The following CDC42BPA variants were observed in gnomAD, a reference collection of about 807,000 sequenced individuals.
CDC42BPA encodes the protein serine/threonine-protein kinase MRCK alpha.
CDC42BPA carries 80 observed loss-of-function variants against 223.5 expected under a neutral mutation model. The observed-to-expected ratio is 0.36, with a 90% confidence interval of 0.30 to 0.43. CDC42BPA has a LOEUF of 0.43. Among genes scored for constraint, CDC42BPA ranks in the 20% least tolerant of loss-of-function variants. The pLI, the probability that CDC42BPA is intolerant of heterozygous loss-of-function variation, is 1.00. For missense variants in CDC42BPA, 1,743 were observed against 2,099.9 expected (o/e 0.83, Z 3.32); for synonymous variants, 694 against 718.6 (o/e 0.97, Z 0.55).
intron 35 of CDC42BPA, among the ~76,000 whole-genome samples, chr1:226,998,010 T>TA (rs1661990031): frequency 6.6e-6 from 1 of 152,000 alleles, no homozygotes; most frequent in Non-Finnish European, 1.5e-5. Flanking sequence ...ACACCAATAA[T>TA]AGAGAGCCAA....
At chr1:227,167,371 C>A (rs972186413) in intron 5 of CDC42BPA, among the ~76,000 whole-genome samples, 2 of 152,128 alleles carry the variant, frequency 1.3e-5, no homozygotes, top group African/African-American at 4.8e-5. Context: ...TTTAAGATGA[C>A]AAATGACCTT....
intron 2 of CDC42BPA, among the ~76,000 whole-genome samples, chr1:227,240,290 A>G (rs1356890661): frequency 6.6e-6 from 1 of 152,112 alleles, no homozygotes; most frequent in Non-Finnish European, 1.5e-5. Flanking sequence ...TCAAAAAACA[A>G]AGAGAAATAT....
intron 31 of CDC42BPA, among the ~76,000 whole-genome samples, chr1:227,023,785 G>A (rs955825989): frequency 1.2e-4 from 19 of 152,070 alleles, no homozygotes; most frequent in Admixed American, 1.3e-4. Context: ...CTGGTTATAC[G>A]GAACCAAGCA....
At chr1:227,255,446 A>AAG (rs35829988) in intron 1 of CDC42BPA, among the ~76,000 whole-genome samples, 1 of 151,958 alleles carries the variant, frequency 6.6e-6, no homozygotes, top group South Asian at 2.1e-4. Flanking sequence ...AAGGAAAGGA[A>AAG]AGAGAGAGAG....
At chr1:227,248,526 A>C (rs1681402847) in intron 2 of CDC42BPA, among the ~76,000 whole-genome samples, 1 of 152,230 alleles carries the variant, frequency 6.6e-6, no homozygotes, top group Non-Finnish European at 1.5e-5. Context: ...AGCCACAAAT[A>C]AAATTAAATA....
At chr1:227,054,267 C>G (rs1379235509) in intron 21 of CDC42BPA, among the ~76,000 whole-genome samples, 1 of 152,180 alleles carries the variant, frequency 6.6e-6, no homozygotes, top group African/African-American at 2.4e-5. Context: ...ATTTCAAAAA[C>G]TCTTTAAAAA....
At chr1:227,222,474 G>C (rs1676106351) in intron 2 of CDC42BPA, among the ~76,000 whole-genome samples, 1 of 152,176 alleles carries the variant, frequency 6.6e-6, no homozygotes. Flanking sequence ...ACTCCAGCCT[G>C]GGGGACACAG....
intron 32 of CDC42BPA, among the ~76,000 whole-genome samples, chr1:227,019,307 T>C (rs1484435234): frequency 6.6e-6 from 1 of 152,208 alleles, no homozygotes; most frequent in East Asian, 1.9e-4. Flanking sequence ...TATCATGCGA[T>C]TGCAGCAATT....
At chr1:227,219,919 TTTTA>T (rs1675535887) in intron 2 of CDC42BPA, among the ~76,000 whole-genome samples, 1 of 152,192 alleles carries the variant, frequency 6.6e-6, no homozygotes, top group African/African-American at 2.4e-5. Context: ...AACCTGTTGC[TTTTA>T]TTTTACATAT....
At chr1:227,116,203 C>T (rs1687754959) in intron 12 of CDC42BPA, among the ~76,000 whole-genome samples, 1 of 152,136 alleles carries the variant, frequency 6.6e-6, no homozygotes. Flanking sequence ...TATACTATCA[C>T]AGTATTATAA....
chr1:227,036,940 A>T (rs1670391971), intron 24 of CDC42BPA, among the ~76,000 whole-genome samples: 1 of 152,198 alleles, frequency 6.6e-6, no homozygotes, highest in South Asian at 2.1e-4. Context: ...GAACAGTCTC[A>T]TGAGTCCCCA....
intron 1 of CDC42BPA, among the ~76,000 whole-genome samples, chr1:227,306,156 T>G (rs1692504773): frequency 8.1e-6 from 1 of 123,668 alleles, no homozygotes; most frequent in Non-Finnish European, 1.7e-5. Context: ...TTTTTTTTTT[T>G]GCTTCCTTCT....
chr1:227,232,267 C>T (rs1179040721), intron 2 of CDC42BPA, among the ~76,000 whole-genome samples: 4 of 151,962 alleles, frequency 2.6e-5, no homozygotes, highest in Non-Finnish European at 5.9e-5. Flanking sequence ...TGTTTTTGTC[C>T]GGTTTGTCAA....
intron 32 of CDC42BPA, among the ~76,000 whole-genome samples, chr1:227,020,646 C>T (rs576984482): frequency 1.1e-4 from 17 of 152,270 alleles, no homozygotes; most frequent in African/African-American, 3.6e-4. Flanking sequence ...GGGAATGTTG[C>T]GGCTGACAGT....
intron 16 of CDC42BPA, among the ~76,000 whole-genome samples, chr1:227,084,797 A>G (rs891178414): frequency 6.6e-6 from 1 of 152,138 alleles, no homozygotes; most frequent in Non-Finnish European, 1.5e-5. Context: ...CAAGGTGCCT[A>G]GACATTGGGT....
intron 23 of CDC42BPA, 131 bp downstream of exon 23, chr1:227,047,796 C>T (rs1672750232): frequency 1.7e-6 from 1 of 572,142 alleles, no homozygotes; most frequent in Non-Finnish European, 3.1e-6. Flanking sequence ...TGCATTCACA[C>T]ATAATTTATT....
intron 21 of CDC42BPA, among the ~76,000 whole-genome samples, chr1:227,061,886 C>G (rs72748155): frequency 0.026 from 3,924 of 152,294 alleles, 79 homozygotes; most frequent in Non-Finnish European, 0.038. Flanking sequence ...TTCCAAATCT[C>G]TGTTGCCAGT....
chr1:227,176,793 T>C (rs1189892459), intron 5 of CDC42BPA, among the ~76,000 whole-genome samples: 2 of 152,118 alleles, frequency 1.3e-5, no homozygotes, highest in Non-Finnish European at 2.9e-5. Context: ...GGAAACAACA[T>C]TCCTAAAATT....
chr1:227,279,100 G>A (rs1178504132), intron 1 of CDC42BPA, among the ~76,000 whole-genome samples: 2 of 151,794 alleles, frequency 1.3e-5, no homozygotes. Context: ...AATTAGGATG[G>A]AAGACAGATC....
Sources: allele counts gnomAD v4.1 joint callset (sites outside exome capture counted in the v4.1 genomes callset), GRCh38; gene constraint gnomAD v4.1.1; transcripts MANE v1.5; gene names NCBI Gene and HGNC (gene_info 2026-07-23, HGNC 2026-07-21).